Variants in SLC66A2 observed in about 807,000 individuals in gnomAD.
SLC66A2 encodes PQ loop repeat containing 1.
SLC66A2 carries 23 observed loss-of-function variants against 25.5 expected under a neutral mutation model. That is an observed-to-expected ratio of 0.90 (90% CI 0.65 to 1.28). SLC66A2 has a LOEUF of 1.28. Ranked by LOEUF, SLC66A2 falls within the 50% of genes most tolerant of loss-of-function variation. The pLI is 0.00. For synonymous variants in SLC66A2, 193 were observed against 166.5 expected, an observed-to-expected ratio of 1.16 and a Z score of -1.23; for missense variants, 396 against 373.1, an observed-to-expected ratio of 1.06 and a Z score of -0.51.
chr18:79,924,578 A>G (rs1199907608), intron 4 of SLC66A2, among the ~76,000 whole-genome samples: 1 of 152,186 alleles, frequency 6.6e-6, no homozygotes, highest in Non-Finnish European at 1.5e-5. Context: ...TAAAATTGTG[A>G]ATTTTATGTT....
intron 4 of SLC66A2, 64 bp from the exon 5 acceptor site, chr18:79,919,464 T>A: frequency 1.4e-6 from 2 of 1,435,718 alleles, no homozygotes; most frequent in Non-Finnish European, 9.8e-7. Flanking sequence ...TCAAGGTCAG[T>A]GGGGAGAGAC....
At chr18:79,923,811 GT>G (rs1411180448) in intron 4 of SLC66A2, among the ~76,000 whole-genome samples, 1 of 152,220 alleles carries the variant, frequency 6.6e-6, no homozygotes, top group East Asian at 1.9e-4. Flanking sequence ...ACCTTGGGAG[GT>G]TGAGGTGGGA....
chr18:79,916,656 C>T (rs1453350292), intron 5 of SLC66A2, among the ~76,000 whole-genome samples: 1 of 152,268 alleles, frequency 6.6e-6, no homozygotes, highest in Non-Finnish European at 1.5e-5. Context: ...GGAGAGTGAA[C>T]AGGAGCTCAT....
chr18:79,924,832 G>A (rs567397264), intron 4 of SLC66A2: 2 of 152,340 alleles, frequency 1.3e-5, no homozygotes, highest in African/African-American at 4.8e-5. Context: ...GCTGTCATTT[G>A]TATCCAGAAC....
Position 79,950,835 on chromosome 18 carries a change from A to G in SLC66A2, c.92T>C (p.Val31Ala). The change falls in exon 2 of 6, where the codon GTG becomes GCG. Residue 31 changes from valine (V) to alanine (A), a missense_variant. Transcript: ENST00000397778. Reference sequence around the variant, plus strand: ...GTCCCGATACTGCGGGACGTAGGGCACCACCCCTCCGAAGACCATGGCCGC... The same window carrying G: ...GTCCCGATACTGCGGGACGTAGGGCGCCACCCCTCCGAAGACCATGGCCGC... ...AAAAMVFGGV[V>A]PYVPQYRDIR... is the part of the protein sequence containing the mutation. The G allele has an allele frequency of 6.2e-7, 1 of 1,612,320 alleles. No homozygotes were observed. The highest frequency in any genetic ancestry group is 8.5e-7 in the Non-Finnish European group (1 of 1,179,754).
rs985520454 is a variant in SLC66A2 at position 79,937,946 on chromosome 18, G to A, written c.338-3924C>T. ...TACAGACCACGGGCAAAGTTGAGAG[G>A]AGCTAAGGGAGAACCCACGGATTTT... is the stretch of plus-strand genomic sequence containing the variant. On this transcript the variant is annotated intron_variant, in intron 3 of 5. Coordinates refer to ENST00000397778, the MANE Select transcript of SLC66A2 (RefSeq NM_025078.5). This position sits in a 1 kb window ranked among gnomAD's most constrained non-coding sequence, Gnocchi z 5.4. 1.3e-5 allele frequency among the ~76,000 whole-genome samples: 2 copies of A among 152,048 alleles called. No homozygotes were observed. Among genetic ancestry groups the A allele is most frequent in the Non-Finnish European group, 2.9e-5 (2 of 68,010 alleles).
At chr18:79,928,727 C>T (rs949693626) in intron 4 of SLC66A2, among the ~76,000 whole-genome samples, 5 of 152,096 alleles carry the variant, frequency 3.3e-5, no homozygotes, top group Admixed American at 3.3e-4. Context: ...TCCCCCAGTG[C>T]CACTGCAGCA....
chr18:79,904,118 C>T lies in SLC66A2; in HGVS notation c.674G>A (p.Gly225Asp). The change falls in exon 6 of 6, where the codon GGT (glycine) becomes GAT (aspartate). Residue 225 changes from glycine (G) to aspartate (D), a missense_variant. Gly to Asp is a moderately conservative substitution (Grantham distance 94). Coordinates refer to ENST00000397778, the MANE Select transcript of SLC66A2 (RefSeq NM_025078.5). This position sits in a 1 kb window ranked among gnomAD's most constrained non-coding sequence, Gnocchi z 6.3. ...AFKTAYFLLKGAPLQFSVCGL... is the reference protein window; with the variant it reads ...AFKTAYFLLKDAPLQFSVCGL... ...GCACACGGAGAACTGCAGAGGGGCA[C>T]CCTTCAGCAGGAAGTAGGCCGTCTT... The T allele has an allele frequency of 6.2e-7, 1 of 1,613,040 alleles. No homozygotes were observed. The highest frequency in any genetic ancestry group is 8.5e-7 in the Non-Finnish European group (1 of 1,179,818).
chr18:79,950,840 C>T lies in SLC66A2; in HGVS notation c.87G>A (p.Gly29=). ...WGAAAAMVFG[G]VVPYVPQYRD... ...GATACTGCGGGACGTAGGGCACCAC[C>T]CCTCCGAAGACCATGGCCGCGGCCG... The change falls in exon 2 of 6, where the codon GGG becomes GGA. Residue 29 remains glycine (G), a synonymous_variant. Coordinates refer to ENST00000397778, the MANE Select transcript of SLC66A2 (RefSeq NM_025078.5). 1.9e-6 allele frequency: 3 copies of T among 1,612,112 alleles called. No individual in the cohort carries two copies. Among genetic ancestry groups the T allele is most frequent in the Non-Finnish European group, 2.5e-6 (3 of 1,179,666 alleles).
Position 79,931,655 on chromosome 18 carries a change from T to C in SLC66A2, c.391+2314A>G, listed in dbSNP as rs552726566. On this transcript the variant is annotated intron_variant, in intron 4 of 5. Coordinates refer to ENST00000397778, the MANE Select transcript of SLC66A2 (RefSeq NM_025078.5). ...CCACCTTCACCCAACCACAGCAAAA[T>C]GCACATTGAATATTCTCCAGGACAG... Among the ~76,000 whole-genome samples the C allele has an allele frequency of 9.2e-5, 14 of 152,248 alleles. No individual in the cohort carries two copies. In the East Asian group the frequency reaches 2.1e-3, roughly 23 times the overall value.
rs1324546695 is a variant in SLC66A2, at chr18:79,919,277, T to G, written c.515A>C (p.Glu172Ala). ...CAGCACAGCCAGGAAGCCCAGGGTC[T>G]CCACAAACAGGGCGGAGTCAATGGA... ...YLSIDSALFV[E>A]TLGFLAVLTE... The change falls in exon 5 of 6, where the codon GAG becomes GCG. Residue 172 changes from glutamate (E) to alanine (A), a missense_variant. Glu to Ala is a moderately radical substitution (Grantham distance 107, BLOSUM62 -1). Transcript: ENST00000397778. 6.2e-7 allele frequency: 1 copy of G among 1,613,262 alleles called. No homozygotes were observed. The highest frequency in any genetic ancestry group is 1.6e-4 in the Middle Eastern group (1 of 6,062).
intron 5 of SLC66A2, among the ~76,000 whole-genome samples, chr18:79,905,482 A>G (rs1402611234): frequency 1.3e-5 from 2 of 152,356 alleles, no homozygotes; most frequent in South Asian, 2.1e-4. Context: ...CTTTAGGCCC[A>G]GGCAGGGCTG....
At chr18:79,942,675 C>T (rs1987778686) in intron 3 of SLC66A2, among the ~76,000 whole-genome samples, 1 of 152,182 alleles carries the variant, frequency 6.6e-6, no homozygotes, top group Admixed American at 6.5e-5. Context: ...ACAAGAAGCC[C>T]GCCAGCCTGC....
intron 2 of SLC66A2, among the ~76,000 whole-genome samples, chr18:79,949,323 G>C (rs2051038050): frequency 6.6e-6 from 1 of 152,146 alleles, no homozygotes; most frequent in South Asian, 2.1e-4. Context: ...GACACGAAAG[G>C]GGTGTATTTC....
Position 79,909,007 on chromosome 18 carries a change from G to A in SLC66A2, c.609-4824C>T, listed in dbSNP as rs569737880. Reference sequence around the variant, plus strand: ...GTTTCTATTGACTGTCATTTCCGTTGGCAGCTGAGAAACTCAACTCTTCAT... The same window carrying A: ...GTTTCTATTGACTGTCATTTCCGTTAGCAGCTGAGAAACTCAACTCTTCAT... On this transcript the variant is annotated intron_variant, in intron 5 of 5. Transcript: ENST00000397778. 5.3e-5 allele frequency among the ~76,000 whole-genome samples: 8 copies of A among 152,244 alleles called. No homozygotes were observed. In the South Asian group the frequency reaches 6.2e-4, roughly 12 times the overall value.
rs760283523 is a variant in SLC66A2, at chr18:79,927,617, G to A, written c.391+6352C>T. ...GACACAGCTGGGGCCAGAGGACGAC[G>A]CAGAGAGACCCACATCAGAGACCCT... On this transcript the variant is annotated intron_variant, in intron 4 of 5. Coordinates refer to ENST00000397778, the MANE Select transcript of SLC66A2 (RefSeq NM_025078.5). This position sits in a 1 kb window ranked among gnomAD's most constrained non-coding sequence, Gnocchi z 6.2. Among the ~76,000 whole-genome samples, 1 of 152,116 alleles carries A rather than the reference G, an allele frequency of 6.6e-6. No homozygotes were observed.
In SLC66A2 at chr18:79,919,395, C is replaced by T. The variant is rs748167009; in HGVS notation, c.397G>A (p.Asp133Asn). 44 of 1,612,276 alleles carry T rather than the reference C, an allele frequency of 2.7e-5. No homozygotes were observed. Among genetic ancestry groups the T allele is most frequent in the African/African-American group, 4.0e-5 (3 of 74,866 alleles). Reference protein sequence around the residue: ...VAPRRSFLDFDPHHFWQWSSF... With the variant: ...VAPRRSFLDFNPHHFWQWSSF... ...CTCCACTGCCAGAAGTGGTGGGGGT[C>T]GAAGTCTAGGGCGAGAGGGAGAAGC... The change falls in exon 5 of 6, where the codon GAC (aspartate) becomes AAC (asparagine). Residue 133 changes from aspartate to asparagine, a missense_variant. Physicochemically the swap from Asp to Asn is conservative, Grantham distance 23. Transcript: ENST00000397778.
intron 2 of SLC66A2, among the ~76,000 whole-genome samples, chr18:79,950,151 G>A (rs1451730402): frequency 6.6e-6 from 1 of 151,952 alleles, no homozygotes; most frequent in African/African-American, 2.4e-5. Flanking sequence ...AGACCAGCCT[G>A]GGCAACAAAG....
rs370408593 is a variant in SLC66A2, at chr18:79,937,384, G to A, written c.338-3362C>T. 7.2e-5 allele frequency among the ~76,000 whole-genome samples: 11 copies of A among 152,290 alleles called. No individual in the cohort carries two copies. The highest frequency in any genetic ancestry group is 4.1e-4 in the South Asian group (2 of 4,822). On this transcript the variant is annotated intron_variant, in intron 3 of 5. Coordinates refer to ENST00000397778, the MANE Select transcript of SLC66A2 (RefSeq NM_025078.5). The surrounding 1 kb of genome is among the most constrained non-coding windows in gnomAD (Gnocchi z 5.4). ...GGGAAGAACTGGAGCATTAACAAGC[G>A]TAATAATCCAGTAACACACCAAACG...
Sources: allele counts gnomAD v4.1 joint callset (sites outside exome capture counted in the v4.1 genomes callset), GRCh38; gene constraint gnomAD v4.1.1; non-coding constraint Gnocchi (gnomAD v3.1); transcripts MANE v1.5; gene names NCBI Gene and HGNC (gene_info 2026-07-23, HGNC 2026-07-21).